The following RAB43 variants were observed in gnomAD, a reference collection of about 807,000 sequenced individuals.
RAB43 encodes RAB43, member RAS oncogene family.
In RAB43, 6 loss-of-function variants were observed where a neutral mutation model predicts 18.8. That is an observed-to-expected ratio of 0.32 (90% confidence interval 0.17 to 0.63). The LOEUF (loss-of-function observed/expected upper bound fraction) is 0.63, where lower values mean the gene tolerates loss of function less well. RAB43 is among the 30% of genes least tolerant of loss of function. RAB43 has a pLI of 0.79. For missense variants in RAB43, 195 were observed against 289.1 expected, an observed-to-expected ratio of 0.67 and a Z score of 2.36; for synonymous variants, 103 against 124.1, an observed-to-expected ratio of 0.83 and a Z score of 1.13.
In RAB43 at chr3:129,121,457, C is replaced by G; in HGVS notation, c.33G>C (p.Pro11=). 6 of 1,612,396 alleles carry G rather than the reference C, an allele frequency of 3.7e-6. No homozygotes were observed. The part of the protein sequence containing the change: MAGPGPGPGD[P]DEQYDFLFKL... ...TGAACAGGAAATCGTACTGCTCGTCCGGGTCCCCCGGGCCTGGGCCCGGCC... is the reference window on the plus strand; with the variant it reads ...TGAACAGGAAATCGTACTGCTCGTCGGGGTCCCCCGGGCCTGGGCCCGGCC... The change falls in exon 1 of 3, where the codon CCG becomes CCC. Residue 11 remains proline (P), a synonymous_variant. Coordinates refer to ENST00000315150, the MANE Select transcript of RAB43 (RefSeq NM_198490.3).
intron 2 of RAB43, 46 bp downstream of exon 2, chr3:129,094,940 C>G: frequency 6.3e-7 from 1 of 1,582,142 alleles, no homozygotes; most frequent in Non-Finnish European, 8.6e-7. Flanking sequence ...GAGGCATGGA[C>G]AGGCAGAGTG....
At chr3:129,112,862 C>G (rs879429557) in intron 1 of RAB43, among the ~76,000 whole-genome samples, 3 of 151,704 alleles carry the variant, frequency 2.0e-5, no homozygotes, top group African/African-American at 7.3e-5. Context: ...GCAATCCTCC[C>G]GCCTCAGCCT....
chr3:129,105,595 CAT>C (rs1934723993), intron 1 of RAB43, among the ~76,000 whole-genome samples: 1 of 151,916 alleles, frequency 6.6e-6, no homozygotes, highest in East Asian at 1.9e-4. Flanking sequence ...GCCTGGCCAA[CAT>C]AGTGAAACGC....
intron 1 of RAB43, among the ~76,000 whole-genome samples, chr3:129,112,751 T>C (rs1023356921): frequency 5.3e-5 from 8 of 151,206 alleles, no homozygotes; most frequent in African/African-American, 2.0e-4. Context: ...GGCTGGTTTT[T>C]GTTGCTTTTT....
chr3:129,106,664 G>A (rs1052673769), intron 1 of RAB43, among the ~76,000 whole-genome samples: 18 of 152,140 alleles, frequency 1.2e-4, no homozygotes, highest in African/African-American at 2.9e-4. Context: ...ACAGGCTGGC[G>A]GCAGGCAGAG....
In RAB43 at chr3:129,091,259, A is replaced by G. The variant is rs1933629851; in HGVS notation, c.476T>C (p.Ile159Thr). Reference sequence around the variant, plus strand: ...GCTCGAGTCCTTGGCAGACGTCTCAATGGCACACAGGATGTCATAGTGCTC... The same window carrying G: ...GCTCGAGTCCTTGGCAGACGTCTCAGTGGCACACAGGATGTCATAGTGCTC... ...LAEHYDILCA[I>T]ETSAKDSSNV... The change falls in exon 3 of 3, where the codon ATT becomes ACT. Residue 159 changes from isoleucine (I) to threonine (T), a missense_variant. Ile to Thr is a moderately conservative substitution (Grantham distance 89). Transcript: ENST00000315150. 3 of 1,589,362 alleles carry G rather than the reference A, an allele frequency of 1.9e-6. No individual in the cohort carries two copies. Among genetic ancestry groups the G allele is most frequent in the South Asian group, 1.1e-5 (1 of 88,418 alleles).
At chr3:129,099,630 C>T (rs1934293948) in intron 1 of RAB43, among the ~76,000 whole-genome samples, 1 of 152,148 alleles carries the variant, frequency 6.6e-6, no homozygotes, top group Admixed American at 6.6e-5. Flanking sequence ...AGGTGATCCA[C>T]TCGCCTCGGC....
chr3:129,098,318 G>A (rs903297897), intron 1 of RAB43, among the ~76,000 whole-genome samples: 1 of 152,124 alleles, frequency 6.6e-6, no homozygotes, highest in African/African-American at 2.4e-5. Context: ...GCGAGGCTCA[G>A]AAACACCTTA....
At chr3:129,114,824 T>C (rs1359086580) in intron 1 of RAB43, among the ~76,000 whole-genome samples, 1 of 152,194 alleles carries the variant, frequency 6.6e-6, no homozygotes, top group Non-Finnish European at 1.5e-5. Context: ...TTGGGGTCAC[T>C]GTATAGCTCT....
At chr3:129,109,810 A>G (rs1481169556) in intron 1 of RAB43, among the ~76,000 whole-genome samples, 3 of 151,784 alleles carry the variant, frequency 2.0e-5, no homozygotes, top group Admixed American at 6.6e-5. Context: ...TACATAATGT[A>G]AAAAAAATTT....
intron 1 of RAB43, among the ~76,000 whole-genome samples, chr3:129,096,821 T>A (rs972540037): frequency 6.6e-6 from 1 of 151,186 alleles, no homozygotes; most frequent in African/African-American, 2.4e-5. Flanking sequence ...AGAGAGAAAA[T>A]AAAATTGAAA....
chr3:129,106,273 G>A (rs1363876812), intron 1 of RAB43, among the ~76,000 whole-genome samples: 2 of 152,218 alleles, frequency 1.3e-5, no homozygotes, highest in East Asian at 1.9e-4. Flanking sequence ...TCATATTAGA[G>A]AGGGACCTTG....
At chr3:129,104,691 G>A (rs914435417) in intron 1 of RAB43, among the ~76,000 whole-genome samples, 1 of 152,224 alleles carries the variant, frequency 6.6e-6, no homozygotes, top group Non-Finnish European at 1.5e-5. Flanking sequence ...TGCCTCAGTC[G>A]GGAAGCACAT....
chr3:129,121,159 A>C, intron 1 of RAB43, 127 bp downstream of exon 1: 17 of 660,618 alleles, frequency 2.6e-5, no homozygotes, highest in East Asian at 5.3e-5. Flanking sequence ...GACCCGAGGA[A>C]GGAAAAAGGG....
rs1158954013 is a variant in RAB43 at position 129,107,199 on chromosome 3, T to C, written c.205-12030A>G. Among the ~76,000 whole-genome samples, 1 of 152,210 alleles carries C rather than the reference T, an allele frequency of 6.6e-6. No individual in the cohort carries two copies. The highest frequency in any genetic ancestry group is 1.5e-5 in the Non-Finnish European group (1 of 68,038). The stretch of plus-strand genomic sequence containing the variant: ...GGAATGAAGCATCAGCAGAGGTCTG[T>C]CTGACTCCGAAGCCTGGTGTCCTTT... On this transcript the variant is annotated intron_variant, in intron 1 of 2. Coordinates refer to ENST00000315150, the MANE Select transcript of RAB43 (RefSeq NM_198490.3). This position sits in a 1 kb window ranked among gnomAD's most constrained non-coding sequence, Gnocchi z 4.2.
In RAB43 at chr3:129,095,929, G is replaced by A; in HGVS notation, c.205-760C>T. Among the ~76,000 whole-genome samples the A allele has an allele frequency of 6.6e-6, 1 of 152,214 alleles. No homozygotes were observed. Among genetic ancestry groups the A allele is most frequent in the Non-Finnish European group, 1.5e-5 (1 of 68,030 alleles). On this transcript the variant is annotated intron_variant, in intron 1 of 2. Coordinates refer to ENST00000315150, the MANE Select transcript of RAB43 (RefSeq NM_198490.3). This position sits in a 1 kb window ranked among gnomAD's most constrained non-coding sequence, Gnocchi z 4.2. ...CCAGGCCAGGTAGGGGCAGAGGTCT[G>A]TGCGGGGCCAGGAGGCTGCCCACTC... is the stretch of plus-strand genomic sequence containing the variant.
chr3:129,094,888 T>G (rs933559504), intron 2 of RAB43, 98 bp downstream of exon 2: 1 of 1,461,580 alleles, frequency 6.8e-7, no homozygotes, highest in African/African-American at 1.4e-5. Flanking sequence ...TGGCTGGGAC[T>G]CCCTCTGAAC....
chr3:129,103,158 C>G (rs759656956), intron 1 of RAB43, among the ~76,000 whole-genome samples: 1 of 152,228 alleles, frequency 6.6e-6, no homozygotes. Context: ...CTGGCTGTCT[C>G]TCTGCCTTGG....
At chr3:129,100,706 G>A (rs771988948) in intron 1 of RAB43, among the ~76,000 whole-genome samples, 4 of 152,196 alleles carry the variant, frequency 2.6e-5, no homozygotes, top group Non-Finnish European at 4.4e-5. Context: ...ATTAGAGGAA[G>A]GGAAGGATAC....
Sources: allele counts gnomAD v4.1 joint callset (sites outside exome capture counted in the v4.1 genomes callset), GRCh38; gene constraint gnomAD v4.1.1; non-coding constraint Gnocchi (gnomAD v3.1); transcripts MANE v1.5; gene names NCBI Gene and HGNC (gene_info 2026-07-23, HGNC 2026-07-21).